Variants in GRIK2 observed in about 807,000 individuals in gnomAD.
GRIK2 encodes glutamate receptor ionotropic, kainate 2.
Under a neutral mutation model 100.3 loss-of-function variants are expected in GRIK2, and 32 were observed. That is an observed-to-expected ratio of 0.32 (90% CI 0.24 to 0.43). The LOEUF (loss-of-function observed/expected upper bound fraction) is 0.43. GRIK2 is among the 20% of genes least tolerant of loss of function. GRIK2 has a pLI of 1.00. For missense variants in GRIK2, 843 were observed against 1,114.9 expected, an observed-to-expected ratio of 0.76 and a Z score of 3.47; for synonymous variants, 417 against 389.4, an observed-to-expected ratio of 1.07 and a Z score of -0.83.
chr6:101,988,955 A>G (rs1334003869), intron 14 of GRIK2, among the ~76,000 whole-genome samples: 2 of 151,842 alleles, frequency 1.3e-5, no homozygotes, highest in African/African-American at 2.4e-5. Context: ...ATTAATAATC[A>G]TTGTGTGATT....
At chr6:101,853,604 C>A (rs548476989) in intron 10 of GRIK2, among the ~76,000 whole-genome samples, 2 of 152,088 alleles carry the variant, frequency 1.3e-5, no homozygotes, top group Non-Finnish European at 2.9e-5. Context: ...CCAAATAAAC[C>A]AAAAACTTAT....
At chr6:101,598,592 T>TAAAAAA (rs75603851) in intron 2 of GRIK2, among the ~76,000 whole-genome samples, 15 of 82,312 alleles carry the variant, frequency 1.8e-4, no homozygotes, top group South Asian at 4.1e-4. Context: ...TCTTCCTTAA[T>TAAAAAA]AAAAAAAAAA....
At chr6:101,507,451 C>G (rs1053295767) in intron 2 of GRIK2, among the ~76,000 whole-genome samples, 8 of 152,072 alleles carry the variant, frequency 5.3e-5, no homozygotes, top group African/African-American at 1.9e-4. Flanking sequence ...TACAGGGATT[C>G]AGGCTACGTT....
chr6:102,054,260 CA>C (rs1257178116), intron 15 of GRIK2, among the ~76,000 whole-genome samples: 3 of 152,106 alleles, frequency 2.0e-5, no homozygotes, highest in Non-Finnish European at 4.4e-5. Context: ...TGCCTACTCT[CA>C]CTAAAAGAGA....
chr6:101,777,215 T>C, intron 7 of GRIK2, among the ~76,000 whole-genome samples: 1 of 152,196 alleles, frequency 6.6e-6, no homozygotes, highest in African/African-American at 2.4e-5. Flanking sequence ...TCTGAGGGCA[T>C]TTCTTCATCA....
chr6:101,985,700 C>A (rs1288072975), intron 14 of GRIK2, among the ~76,000 whole-genome samples: 2 of 151,554 alleles, frequency 1.3e-5, no homozygotes, highest in Admixed American at 6.6e-5. Context: ...AAGGTATAAT[C>A]CAGAATAGTC....
intron 14 of GRIK2, among the ~76,000 whole-genome samples, chr6:101,959,381 T>C (rs1479038620): frequency 3.9e-5 from 6 of 152,172 alleles, no homozygotes; most frequent in Non-Finnish European, 8.8e-5. Context: ...CTAGTGATAC[T>C]CATAGCAGTC....
chr6:101,415,970 C>T (rs1029915128), intron 2 of GRIK2, among the ~76,000 whole-genome samples: 2 of 152,098 alleles, frequency 1.3e-5, no homozygotes, highest in East Asian at 1.9e-4. Context: ...GCACCTAAGT[C>T]CCTAATAAGT....
At chr6:101,425,566 G>T (rs1776659819) in intron 2 of GRIK2, among the ~76,000 whole-genome samples, 1 of 151,900 alleles carries the variant, frequency 6.6e-6, no homozygotes, top group Non-Finnish European at 1.5e-5. Flanking sequence ...TACTGTAACT[G>T]TATACAATGT....
At chr6:101,529,041 G>C (rs1423973301) in intron 2 of GRIK2, among the ~76,000 whole-genome samples, 1 of 152,100 alleles carries the variant, frequency 6.6e-6, no homozygotes, top group South Asian at 2.1e-4. Context: ...GGTCCAGATG[G>C]AGTATTAAGC....
intron 4 of GRIK2, among the ~76,000 whole-genome samples, chr6:101,666,465 T>C (rs997417625): frequency 2.0e-5 from 3 of 152,232 alleles, no homozygotes; most frequent in Admixed American, 6.5e-5. Flanking sequence ...GAACTTGAGC[T>C]GATGCCACAT....
chr6:101,738,444 G>C (rs1230350094), intron 7 of GRIK2, among the ~76,000 whole-genome samples: 2 of 152,102 alleles, frequency 1.3e-5, no homozygotes, highest in African/African-American at 2.4e-5. Context: ...TTCAGACTTT[G>C]TACTTAGATA....
chr6:101,473,764 C>G (rs1271439030), intron 2 of GRIK2, among the ~76,000 whole-genome samples: 2 of 151,700 alleles, frequency 1.3e-5, no homozygotes, highest in Non-Finnish European at 2.9e-5. Context: ...TTTATCTGCT[C>G]TGTCATAAAG....
At chr6:101,751,860 T>C (rs1164398193) in intron 7 of GRIK2, among the ~76,000 whole-genome samples, 3 of 152,194 alleles carry the variant, frequency 2.0e-5, no homozygotes, top group Admixed American at 6.5e-5. Context: ...CCTCAGAAGG[T>C]TGTTAATGTT....
intron 2 of GRIK2, among the ~76,000 whole-genome samples, chr6:101,605,788 T>C (rs114237659): frequency 6.6e-6 from 1 of 152,058 alleles, no homozygotes. Flanking sequence ...CTCAAATCAG[T>C]GTTATTTCTT....
intron 2 of GRIK2, among the ~76,000 whole-genome samples, chr6:101,435,635 AG>A (rs1161545402): frequency 1.3e-5 from 2 of 151,886 alleles, no homozygotes. Context: ...CTCTATCTCT[AG>A]TTGTGTCTTC....
At chr6:101,609,068 T>C (rs184652300) in intron 2 of GRIK2, among the ~76,000 whole-genome samples, 138 of 151,976 alleles carry the variant, frequency 9.1e-4, no homozygotes, top group Non-Finnish European at 1.6e-3. Flanking sequence ...ATATGAGTCC[T>C]TGTGGGTATG....
At chr6:101,471,786 A>G (rs1771959451) in intron 2 of GRIK2, among the ~76,000 whole-genome samples, 1 of 151,978 alleles carries the variant, frequency 6.6e-6, no homozygotes, top group Admixed American at 6.6e-5. Flanking sequence ...TTAACAAAGC[A>G]TAAACATGTC....
chr6:101,883,317 A>AATG (rs1353196977), intron 11 of GRIK2, among the ~76,000 whole-genome samples: 1 of 149,018 alleles, frequency 6.7e-6, no homozygotes, highest in Non-Finnish European at 1.5e-5. Context: ...TAATAATAAT[A>AATG]ATAATATAAT....
Sources: gnomAD v4.1 joint callset for allele counts (sites outside exome capture counted in the v4.1 genomes callset) on GRCh38, gnomAD v4.1.1 for gene constraint, MANE v1.5 for transcripts, NCBI Gene and HGNC (gene_info 2026-07-23, HGNC 2026-07-21) for gene names.